The following GABRB2 variants were observed in gnomAD, a reference collection of about 807,000 sequenced individuals.
GABRB2 encodes the protein gamma-aminobutyric acid receptor subunit beta-2.
A neutral mutation model predicts 54.7 loss-of-function variants in GABRB2; 16 were observed. That is an observed-to-expected ratio of 0.29 (90% CI 0.20 to 0.44). The LOEUF is 0.44. Ranked by LOEUF, GABRB2 falls within the 20% of genes least tolerant of loss-of-function variation. GABRB2 has a pLI of 1.00. For synonymous variants in GABRB2, 244 were observed against 233.8 expected (o/e 1.04, Z -0.40); for missense variants, 355 against 644.0 (o/e 0.55, Z 4.86).
intron 4 of GABRB2, among the ~76,000 whole-genome samples, chr5:161,415,848 G>T (rs182369311): frequency 5.3e-5 from 8 of 152,156 alleles, no homozygotes; most frequent in Non-Finnish European, 1.0e-4. Flanking sequence ...CCTGACCTCA[G>T]GTGATCCACT....
intron 5 of GABRB2, among the ~76,000 whole-genome samples, chr5:161,352,754 G>C (rs1057386191): frequency 2.0e-5 from 3 of 151,990 alleles, no homozygotes; most frequent in Non-Finnish European, 2.9e-5. Context: ...TAATTAGATT[G>C]AGCTTGTCTA....
intron 5 of GABRB2, among the ~76,000 whole-genome samples, chr5:161,360,957 C>G (rs1323413961): frequency 6.6e-6 from 1 of 151,130 alleles, no homozygotes; most frequent in Non-Finnish European, 1.5e-5. Flanking sequence ...CTGCAGCAAA[C>G]TATGATTGCA....
At chr5:161,294,889 A>G (rs10041722) in intron 9 of GABRB2, among the ~76,000 whole-genome samples, 16,351 of 152,258 alleles carry the variant, frequency 0.11, 1,034 homozygotes, top group Admixed American at 0.21. Context: ...TAGAACTAAA[A>G]ATAGTGGGTA....
At chr5:161,446,173 C>T (rs1035390223) in intron 4 of GABRB2, among the ~76,000 whole-genome samples, 2 of 151,972 alleles carry the variant, frequency 1.3e-5, no homozygotes, top group African/African-American at 4.8e-5. Flanking sequence ...TCTCCAAGTA[C>T]AAGCTTATGG....
intron 3 of GABRB2, among the ~76,000 whole-genome samples, chr5:161,512,849 T>G (rs1759818972): frequency 6.6e-6 from 1 of 151,488 alleles, no homozygotes; most frequent in Admixed American, 6.6e-5. Context: ...CTACAAGGAA[T>G]TCATATGATT....
intron 4 of GABRB2, among the ~76,000 whole-genome samples, chr5:161,451,049 A>G (rs1757776056): frequency 6.6e-6 from 1 of 152,182 alleles, no homozygotes; most frequent in Non-Finnish European, 1.5e-5. Flanking sequence ...TGATATATTA[A>G]TGTTTGATAA....
At chr5:161,508,966 T>C (rs1228577442) in intron 3 of GABRB2, among the ~76,000 whole-genome samples, 1 of 152,016 alleles carries the variant, frequency 6.6e-6, no homozygotes, top group Non-Finnish European at 1.5e-5. Flanking sequence ...CCCAATTTCC[T>C]CTAAGCTATT....
At chr5:161,545,319 G>T in intron 2 of GABRB2, 25 bp from the exon 3 acceptor site, 1 of 1,571,940 alleles carries the variant, frequency 6.4e-7, no homozygotes, top group Non-Finnish European at 8.6e-7. Context: ...GGCCAGCCAC[G>T]TGATTTCTTT....
chr5:161,421,763 G>A (rs972212811), intron 4 of GABRB2, among the ~76,000 whole-genome samples: 2 of 152,094 alleles, frequency 1.3e-5, no homozygotes, highest in Non-Finnish European at 2.9e-5. Context: ...AAAACAAAAC[G>A]AGTCAGTGAC....
chr5:161,500,612 T>A (rs1759402568), intron 3 of GABRB2, among the ~76,000 whole-genome samples: 1 of 152,214 alleles, frequency 6.6e-6, no homozygotes, highest in Non-Finnish European at 1.5e-5. Context: ...ACTACTAGCA[T>A]GAATCTTTCT....
chr5:161,512,157 A>C (rs987671098), intron 3 of GABRB2, among the ~76,000 whole-genome samples: 3 of 152,050 alleles, frequency 2.0e-5, no homozygotes, highest in Non-Finnish European at 2.9e-5. Flanking sequence ...AAATGGCCAT[A>C]CTGCCCAAAG....
chr5:161,324,049 C>T (rs925595382), intron 9 of GABRB2, among the ~76,000 whole-genome samples: 7 of 152,180 alleles, frequency 4.6e-5, no homozygotes, highest in African/African-American at 1.7e-4. Context: ...AAACATCAAA[C>T]AATAGGTGCT....
intron 3 of GABRB2, among the ~76,000 whole-genome samples, chr5:161,500,238 C>T (rs1297568330): frequency 6.6e-6 from 1 of 152,112 alleles, no homozygotes; most frequent in Non-Finnish European, 1.5e-5. Flanking sequence ...AACTAAGTAC[C>T]TCCATCTTTC....
intron 5 of GABRB2, among the ~76,000 whole-genome samples, chr5:161,388,421 A>G (rs1755712423): frequency 6.6e-6 from 1 of 152,068 alleles, no homozygotes; most frequent in Non-Finnish European, 1.5e-5. Context: ...TCAAACTGAG[A>G]GGTATAAATT....
At chr5:161,393,501 G>A (rs1755900109) in intron 5 of GABRB2, among the ~76,000 whole-genome samples, 1 of 151,580 alleles carries the variant, frequency 6.6e-6, no homozygotes, top group African/African-American at 2.4e-5. Context: ...ACTCTACTAT[G>A]TGAGTCCTGA....
chr5:161,397,407 A>T (rs1756037624), intron 5 of GABRB2, among the ~76,000 whole-genome samples: 1 of 152,206 alleles, frequency 6.6e-6, no homozygotes, highest in Non-Finnish European at 1.5e-5. Flanking sequence ...ATAGTACTTT[A>T]TGTAAGTGTT....
intron 3 of GABRB2, among the ~76,000 whole-genome samples, chr5:161,526,324 C>T (rs1039022716): frequency 6.6e-6 from 1 of 151,240 alleles, no homozygotes; most frequent in African/African-American, 2.4e-5. Context: ...TTTAGGTGAT[C>T]AAGCCTCTGA....
intron 9 of GABRB2, 26 bp downstream of exon 9, chr5:161,326,342 A>C (rs1758360487): frequency 1.3e-5 from 21 of 1,607,930 alleles, no homozygotes; most frequent in Non-Finnish European, 1.7e-5. Context: ...AATACAAATA[A>C]ATGGATTAAA....
At chr5:161,341,669 A>G (rs1754160344) in intron 5 of GABRB2, among the ~76,000 whole-genome samples, 1 of 151,770 alleles carries the variant, frequency 6.6e-6, no homozygotes, top group South Asian at 2.1e-4. Context: ...GTGATCTAAG[A>G]AATAGAAATA....
Sources: gnomAD v4.1 joint callset for allele counts (sites outside exome capture counted in the v4.1 genomes callset) on GRCh38, gnomAD v4.1.1 for gene constraint, MANE v1.5 for transcripts, NCBI Gene and HGNC (gene_info 2026-07-23, HGNC 2026-07-21) for gene names.